Variants in ELMO1 observed in about 807,000 individuals in gnomAD.
ELMO1 encodes engulfment and cell motility protein 1.
A neutral mutation model predicts 98.9 loss-of-function variants in ELMO1; 26 were observed. The observed-to-expected ratio is 0.26, with a 90% CI of 0.19 to 0.36. The LOEUF is 0.36. Among genes scored for constraint, ELMO1 ranks in the 10% least tolerant of loss-of-function variants. The probability of loss-of-function intolerance (pLI) is 1.00; values close to 1 mark genes in which losing one functional copy is unlikely to be tolerated. For missense variants in ELMO1, 627 were observed against 935.2 expected, an observed-to-expected ratio of 0.67 and a Z score of 4.30; for synonymous variants, 346 against 346.0, an observed-to-expected ratio of 1.00 and a Z score of 0.00.
intron 20 of ELMO1, among the ~76,000 whole-genome samples, chr7:36,867,465 C>A (rs1803121608): frequency 6.6e-6 from 1 of 151,910 alleles, no homozygotes; most frequent in South Asian, 2.1e-4. Flanking sequence ...TTCAAAGTAC[C>A]AGCTTTTGGT....
intron 19 of ELMO1, among the ~76,000 whole-genome samples, chr7:36,871,011 ATC>A (rs1029199633): frequency 1.3e-5 from 2 of 152,152 alleles, no homozygotes; most frequent in African/African-American, 2.4e-5. Context: ...ACTCTCCAAA[ATC>A]TCTTTCTCTG....
chr7:36,872,125 T>C (rs1477326984), intron 19 of ELMO1, among the ~76,000 whole-genome samples: 5 of 152,162 alleles, frequency 3.3e-5, no homozygotes, highest in Admixed American at 6.5e-5. Context: ...TTTTAGCCAA[T>C]GAAATGTGAA....
intron 13 of ELMO1, among the ~76,000 whole-genome samples, chr7:37,157,158 A>C (rs1020977195): frequency 1.3e-5 from 2 of 152,220 alleles, no homozygotes; most frequent in African/African-American, 4.8e-5. Flanking sequence ...TATTGATGGA[A>C]TGTATCTCAA....
chr7:37,249,703 A>G (rs2130739921), intron 6 of ELMO1, among the ~76,000 whole-genome samples: 1 of 152,378 alleles, frequency 6.6e-6, no homozygotes, highest in Non-Finnish European at 1.5e-5. Context: ...TAAAATGTAT[A>G]CATACTCTGA....
intron 1 of ELMO1, among the ~76,000 whole-genome samples, chr7:37,441,913 C>G (rs1805430328): frequency 6.6e-6 from 1 of 152,208 alleles, no homozygotes; most frequent in African/African-American, 2.4e-5. Context: ...ATTAATACAC[C>G]ACCTTAGACT....
At chr7:37,096,157 C>A (rs1784355895) in intron 15 of ELMO1, among the ~76,000 whole-genome samples, 1 of 152,100 alleles carries the variant, frequency 6.6e-6, no homozygotes, top group African/African-American at 2.4e-5. Flanking sequence ...ATAATTTCTT[C>A]TTTCTTAGAG....
At chr7:37,043,941 A>T (rs1229626560) in intron 15 of ELMO1, among the ~76,000 whole-genome samples, 2 of 152,126 alleles carry the variant, frequency 1.3e-5, no homozygotes, top group African/African-American at 4.8e-5. Flanking sequence ...TATAATGGTG[A>T]TGCCATCTCC....
intron 14 of ELMO1, among the ~76,000 whole-genome samples, chr7:37,098,748 G>A (rs757071568): frequency 6.6e-6 from 1 of 152,164 alleles, no homozygotes; most frequent in Non-Finnish European, 1.5e-5. Context: ...CCATTAATCA[G>A]TGAATTTTAT....
chr7:37,345,785 C>G (rs1040735152), intron 1 of ELMO1, among the ~76,000 whole-genome samples: 1 of 151,546 alleles, frequency 6.6e-6, no homozygotes, highest in Non-Finnish European at 1.5e-5. Context: ...GTCAGGAGAT[C>G]GAGACCATCC....
intron 1 of ELMO1, among the ~76,000 whole-genome samples, chr7:37,374,805 G>T (rs553122149): frequency 1.5e-4 from 23 of 152,208 alleles, no homozygotes; most frequent in Non-Finnish European, 2.9e-4. Flanking sequence ...GCTCACGCCT[G>T]TAATCTCAGC....
intron 1 of ELMO1, among the ~76,000 whole-genome samples, chr7:37,411,043 G>A (rs188958724): frequency 9.3e-4 from 142 of 152,206 alleles, no homozygotes; most frequent in South Asian, 8.9e-3. Flanking sequence ...AATAAAACCC[G>A]GAACAGCAAG....
intron 4 of ELMO1, among the ~76,000 whole-genome samples, chr7:37,307,074 G>A (rs1225263380): frequency 6.6e-6 from 1 of 152,100 alleles, no homozygotes; most frequent in African/African-American, 2.4e-5. Flanking sequence ...CTTTCTCATT[G>A]CAGCACATTA....
At chr7:37,199,511 A>G (rs1363034450) in intron 13 of ELMO1, among the ~76,000 whole-genome samples, 1 of 152,208 alleles carries the variant, frequency 6.6e-6, no homozygotes, top group East Asian at 1.9e-4. Flanking sequence ...CCCTTTTCAG[A>G]AGGAGTCCAC....
chr7:37,433,778 T>A (rs1020858073), intron 1 of ELMO1, among the ~76,000 whole-genome samples: 2 of 152,052 alleles, frequency 1.3e-5, no homozygotes, highest in Non-Finnish European at 2.9e-5. Flanking sequence ...CTGAAAACAA[T>A]TCCCTATTTT....
At chr7:37,191,519 G>A (rs1563067382) in intron 13 of ELMO1, among the ~76,000 whole-genome samples, 3 of 151,974 alleles carry the variant, frequency 2.0e-5, no homozygotes. Flanking sequence ...CCTCAATGTG[G>A]ACAAACAGTT....
intron 16 of ELMO1, among the ~76,000 whole-genome samples, chr7:36,990,738 C>A (rs1013032490): frequency 2.6e-5 from 4 of 151,984 alleles, no homozygotes; most frequent in Non-Finnish European, 5.9e-5. Flanking sequence ...AATTCTTATA[C>A]CTTTGTAATA....
chr7:37,214,009 T>C (rs1563081525), intron 11 of ELMO1, among the ~76,000 whole-genome samples: 1 of 152,156 alleles, frequency 6.6e-6, no homozygotes, highest in Non-Finnish European at 1.5e-5. Context: ...AGAGAGCAAA[T>C]GCTCGTGAAT....
chr7:36,964,486 C>T (rs557341679), intron 16 of ELMO1, among the ~76,000 whole-genome samples: 1 of 152,342 alleles, frequency 6.6e-6, no homozygotes, highest in East Asian at 1.9e-4. Flanking sequence ...ATGTGTGTCG[C>T]TCTCACATCA....
chr7:37,059,037 G>C (rs995057746), intron 15 of ELMO1, among the ~76,000 whole-genome samples: 2 of 152,160 alleles, frequency 1.3e-5, no homozygotes, highest in African/African-American at 4.8e-5. Context: ...GCCACCTGAG[G>C]CAAGGAAAGG....
Sources: allele counts gnomAD v4.1 joint callset (sites outside exome capture counted in the v4.1 genomes callset), GRCh38; gene constraint gnomAD v4.1.1; transcripts MANE v1.5; gene names NCBI Gene and HGNC (gene_info 2026-07-23, HGNC 2026-07-21).